Variants in CHRNB4 observed in about 807,000 individuals in gnomAD.
CHRNB4 encodes cholinergic receptor nicotinic beta 4 subunit, also known as neuronal acetylcholine receptor subunit beta-4.
CHRNB4 carries 23 observed loss-of-function variants against 40.4 expected under a neutral mutation model. The ratio of observed to expected loss-of-function variants is 0.57; its 90% confidence interval spans 0.41 to 0.81. The LOEUF is 0.81. CHRNB4 is among the 30% of genes least tolerant of loss of function. CHRNB4 has a pLI of 0.00. For missense variants in CHRNB4, 568 were observed against 670.6 expected (o/e 0.85, Z 1.69); for synonymous variants, 285 against 274.4 (o/e 1.04, Z -0.38).
Position 78,654,099 on chromosome 15 carries a change from T to C in CHRNB4, c.-109-1428A>G, listed in dbSNP as rs79491334. On this transcript the variant is annotated intron_variant and NMD_transcript_variant, in intron 5 of 11. Transcript: ENST00000559849. ...TGTTCACATAGCATAAAGACCCAGA[T>C]CTGTGCCAGGCCATGTGCTTCAGGG... Among the ~76,000 whole-genome samples the C allele has an allele frequency of 1.2e-4, 19 of 152,274 alleles. No homozygotes were observed. The East Asian group carries it at 3.7e-3, about 29-fold the overall frequency.
chr15:78,629,666 G>A lies in CHRNB4; in HGVS notation c.639C>T (p.Asn213=). 6 of 1,614,130 alleles carry A rather than the reference G, an allele frequency of 3.7e-6. No individual in the cohort carries two copies. The highest frequency in any genetic ancestry group is 5.1e-6 in the Non-Finnish European group (6 of 1,180,022). The change falls in exon 5 of 6, where the codon AAC becomes AAT. Residue 213 remains asparagine (N), a synonymous_variant. Transcript: ENST00000261751. The surrounding 1 kb of genome is among the most constrained non-coding windows in gnomAD (Gnocchi z 6.8). The stretch of plus-strand genomic sequence containing the variant: ...CGTCCACGTAGCTGGGGTCTTGTGG[G>A]TTCACTGTCCTTCTCCCTGGGAGGG... ...IVALPGRRTV[N]PQDPSYVDVT... is the part of the protein sequence containing the mutation.
chr15:78,624,708 G>T lies in CHRNB4; in HGVS notation c.*425C>A. On this transcript the variant is annotated 3_prime_UTR_variant, in exon 6 of 6. Coordinates refer to ENST00000261751, the MANE Select transcript of CHRNB4 (RefSeq NM_000750.5). The stretch of plus-strand genomic sequence containing the variant: ...ACTCCGTTTAAAAGAAAAAAAAAAA[G>T]ATGATGATATGGCAAATGCCAAGCC... The T allele has an allele frequency of 2.6e-6, 1 of 382,000 alleles. No homozygotes were observed. The highest frequency in any genetic ancestry group is 4.6e-6 in the Non-Finnish European group (1 of 215,552). 23.7% of individuals were successfully genotyped at this position (382,000 alleles called of 1,614,324 possible). A position where few individuals can be genotyped will look rare whatever the true frequency, so the allele number is the denominator to read the frequency against.
At chr15:78,649,234 GC>G (rs2054151780) in intron 7 of CHRNB4, 1 of 273,446 alleles carries the variant, frequency 3.7e-6, no homozygotes, top group South Asian at 3.2e-5. Context: ...TCCGTCCAAT[GC>G]CTAGCCCTTC....
intron 6 of CHRNB4, among the ~76,000 whole-genome samples, chr15:78,650,394 C>T (rs929102265): frequency 1.8e-4 from 27 of 152,152 alleles, no homozygotes; most frequent in Non-Finnish European, 7.4e-5. Context: ...AGGATTCATC[C>T]AGCTCTGTTT....
At chr15:78,659,206 G>A (rs1186806712) in intron 1 of CHRNB4, among the ~76,000 whole-genome samples, 1 of 152,088 alleles carries the variant, frequency 6.6e-6, no homozygotes, top group Non-Finnish European at 1.5e-5. Context: ...AAGCAGGTGG[G>A]TCATTTCAGC....
intron 7 of CHRNB4, among the ~76,000 whole-genome samples, chr15:78,647,642 C>T (rs775305072): frequency 1.0e-4 from 15 of 145,100 alleles, no homozygotes; most frequent in African/African-American, 2.0e-4. Context: ...GTCAGGAGAT[C>T]GAGACCATCC....
rs985864043 is a variant in CHRNB4 at position 78,624,249 on chromosome 15, T to C, written c.*884A>G. The stretch of plus-strand genomic sequence containing the variant: ...TCTAGTGGGTGAGCTGTGGATGACA[T>C]ACATGCCACCAGATAAGAGCGACAG... On this transcript the variant is annotated 3_prime_UTR_variant, in exon 6 of 6. Transcript: ENST00000261751. 3 of 152,248 alleles carry C rather than the reference T, an allele frequency of 2.0e-5. No homozygotes were observed. The highest frequency in any genetic ancestry group is 7.2e-5 in the African/African-American group (3 of 41,420). The allele number at this position is 152,248 out of a possible 1,614,324, so 9.4% of individuals were successfully genotyped here.
At chr15:78,636,747 C>T (rs545774658) in intron 1 of CHRNB4, among the ~76,000 whole-genome samples, 10 of 152,264 alleles carry the variant, frequency 6.6e-5, no homozygotes, top group East Asian at 1.9e-4. Context: ...CCACACCCAG[C>T]TTGTCTCACT....
intron 1 of CHRNB4, among the ~76,000 whole-genome samples, chr15:78,659,073 A>C (rs2141413884): frequency 6.6e-6 from 1 of 152,290 alleles, no homozygotes; most frequent in East Asian, 1.9e-4. Context: ...GACAAAACAA[A>C]ATCCTTATTC....
At chr15:78,653,211 T>G (rs1460492155) in intron 5 of CHRNB4, among the ~76,000 whole-genome samples, 1 of 152,156 alleles carries the variant, frequency 6.6e-6, no homozygotes. Flanking sequence ...CCTCAATCAG[T>G]CATAACTAAT....
intron 7 of CHRNB4, among the ~76,000 whole-genome samples, chr15:78,647,673 C>A (rs745709843): frequency 2.2e-5 from 3 of 138,672 alleles, no homozygotes; most frequent in East Asian, 2.1e-4. Flanking sequence ...GGTGAAACCC[C>A]GTCTCTACTA....
intron 6 of CHRNB4, among the ~76,000 whole-genome samples, chr15:78,651,845 C>G (rs1404756865): frequency 6.6e-6 from 1 of 152,216 alleles, no homozygotes; most frequent in Non-Finnish European, 1.5e-5. Flanking sequence ...CTTCCTTCAG[C>G]CCCTTAGCAG....
At chr15:78,633,269 A>G (rs533688970) in intron 2 of CHRNB4, among the ~76,000 whole-genome samples, 1 of 152,368 alleles carries the variant, frequency 6.6e-6, no homozygotes, top group African/African-American at 2.4e-5. Context: ...GGCTGCCAGT[A>G]ACAGTGATCC....
At position 78,624,872 on chromosome 15, in the gene CHRNB4, C is replaced by T. The variant is rs1326284000; in HGVS notation, c.*261G>A. The T allele has an allele frequency of 3.6e-5, 45 of 1,240,158 alleles. No homozygotes were observed. Among genetic ancestry groups the T allele is most frequent in the African/African-American group, 4.5e-5 (3 of 66,068 alleles). 76.8% of individuals were successfully genotyped at this position (1,240,158 alleles called of 1,614,324 possible). On this transcript the variant is annotated 3_prime_UTR_variant, in exon 6 of 6. Transcript: ENST00000261751. The stretch of plus-strand genomic sequence containing the variant: ...CGAAGTCATCTTTATCCCCATTGCC[C>T]GGTGCAGGGAAGGAAGACAGGCCAG...
intron 5 of CHRNB4, among the ~76,000 whole-genome samples, chr15:78,654,356 T>C (rs1437434406): frequency 6.6e-6 from 1 of 152,196 alleles, no homozygotes; most frequent in Non-Finnish European, 1.5e-5. Flanking sequence ...GGAGACACCT[T>C]AAACAATAAC....
chr15:78,635,252 A>C (rs72648901), intron 2 of CHRNB4, among the ~76,000 whole-genome samples, 187 bp downstream of exon 2: 398 of 152,362 alleles, frequency 2.6e-3, no homozygotes, highest in Non-Finnish European at 4.4e-3. Context: ...TGTTAGAACA[A>C]AATCATGACT....
chr15:78,637,108 G>A (rs1339203980), intron 1 of CHRNB4, among the ~76,000 whole-genome samples: 1 of 152,170 alleles, frequency 6.6e-6, no homozygotes, highest in Non-Finnish European at 1.5e-5. Context: ...CTGGAGCTTC[G>A]AGGAGAGGTC....
Position 78,631,334 on chromosome 15 carries a change from T to C in CHRNB4, c.205-2A>G. ...GGTCATGATCTGCTCTCGCTCATTC[T>C]GGGGAGGGAAACGGGGCTATCAGTT... On this transcript the variant is annotated splice_acceptor_variant, in intron 2 of 5. Transcript: ENST00000261751. LOFTEE classifies it high-confidence loss of function. 1 of 1,613,672 alleles carries C rather than the reference T, an allele frequency of 6.2e-7. No individual in the cohort carries two copies. The highest frequency in any genetic ancestry group is 8.5e-7 in the Non-Finnish European group (1 of 1,179,928).
At position 78,626,371 on chromosome 15, in the gene CHRNB4, TGTGTGTGTGTGTG is replaced by T. The variant is rs776784117; in HGVS notation, c.1339-1093_1339-1081del. Reference sequence around the variant, plus strand: ...GTGTGTGTGTGTGTGTGTGTGTGTGTGTGTGTGTGTGTGTTTCCCCCTTTTAATATTTTTGTGC... The same window carrying T: ...GTGTGTGTGTGTGTGTGTGTGTGTGTTTTCCCCCTTTTAATATTTTTGTGC... On this transcript the variant is annotated intron_variant, in intron 5 of 5. Coordinates refer to ENST00000261751, the MANE Select transcript of CHRNB4 (RefSeq NM_000750.5). 318 of 146,530 alleles carry T rather than the reference TGTGTGTGTGTGTG, an allele frequency of 2.2e-3. 3 individuals are homozygous for T. Among genetic ancestry groups the T allele is most frequent in the East Asian group, 6.0e-3 (31 of 5,176 alleles). The allele number at this position is 146,530 out of a possible 1,614,324, so 9.1% of individuals were successfully genotyped here. A position where few individuals can be genotyped will look rare whatever the true frequency, so the allele number is the denominator to read the frequency against.
Sources: gnomAD v4.1 joint callset for allele counts (sites outside exome capture counted in the v4.1 genomes callset) on GRCh38, gnomAD v4.1.1 for gene constraint, Gnocchi (gnomAD v3.1) non-coding constraint, MANE v1.5 for transcripts, NCBI Gene and HGNC (gene_info 2026-07-23, HGNC 2026-07-21) for gene names.